Variants in PDE8B observed in about 807,000 individuals in gnomAD.
The protein encoded by PDE8B is phosphodiesterase 8B, also known as high affinity cAMP-specific and IBMX-insensitive 3',5'-cyclic phosphodiesterase 8B.
Under a neutral mutation model 101.3 loss-of-function variants are expected in PDE8B, and 26 were observed. The observed-to-expected ratio is 0.26, with a 90% CI of 0.19 to 0.36. The LOEUF is 0.36. PDE8B is among the 10% of genes least tolerant of loss of function. The pLI, the probability that PDE8B is intolerant of heterozygous loss-of-function variation, is 1.00. For synonymous variants in PDE8B, 424 were observed against 429.3 expected (o/e 0.99, Z 0.15); for missense variants, 810 against 1,163.1 (o/e 0.70, Z 4.42).
intron 1 of PDE8B, among the ~76,000 whole-genome samples, chr5:77,263,712 G>A (rs1197120854): frequency 6.6e-6 from 1 of 152,168 alleles, no homozygotes; most frequent in African/African-American, 2.4e-5. Context: ...GTGCTATGTG[G>A]AGTAACTATA....
chr5:77,290,533 T>C, intron 1 of PDE8B: 1 of 1,477,094 alleles, frequency 6.8e-7, no homozygotes, highest in Non-Finnish European at 9.5e-7. Context: ...GTAAGACAGA[T>C]TGACGATGCC....
At chr5:77,283,257 G>C (rs1432444969) in intron 1 of PDE8B, among the ~76,000 whole-genome samples, 2 of 151,956 alleles carry the variant, frequency 1.3e-5, no homozygotes, top group Admixed American at 1.3e-4. Flanking sequence ...CCACTCCCTG[G>C]AGCCATATGC....
At chr5:77,341,581 A>G (rs1419418398) in intron 6 of PDE8B, among the ~76,000 whole-genome samples, 1 of 152,248 alleles carries the variant, frequency 6.6e-6, no homozygotes, top group Non-Finnish European at 1.5e-5. Flanking sequence ...ATTAAAGCTT[A>G]ATTATCCAGC....
At chr5:77,188,573 A>G in the PDE8B span, among the ~76,000 whole-genome samples, 1 of 152,234 alleles carries the variant, frequency 6.6e-6, no homozygotes, top group East Asian at 1.9e-4. Flanking sequence ...TCTGTCGGAA[A>G]GACCACAGCT....
At position 77,351,070 on chromosome 5, in the gene PDE8B, G is replaced by A; in HGVS notation, c.1023G>A (p.Trp341Ter). Residue 341 changes from tryptophan (W) to a stop codon, truncating the protein, a stop_gained, in exon 9 of 22, where the codon TGG becomes TGA. Transcript: ENST00000264917. LOFTEE classifies it high-confidence loss of function. Reference protein sequence around the residue: ...INTCIKKGKEWQGVYYARRKS... With the variant: ...INTCIKKGKE ...AGCTCTCTTTGTCCATGTAGGAGTG[G>A]CAGGGGGTTTACTATGCCAGACGGA... 1 of 1,613,016 alleles carries A rather than the reference G, an allele frequency of 6.2e-7. No individual in the cohort carries two copies. Among genetic ancestry groups the A allele is most frequent in the South Asian group, 1.1e-5 (1 of 91,030 alleles).
At chr5:77,376,114 G>GCCTT (rs1786087111) in intron 10 of PDE8B, among the ~76,000 whole-genome samples, 1 of 151,968 alleles carries the variant, frequency 6.6e-6, no homozygotes, top group South Asian at 2.1e-4. Flanking sequence ...TTCTAGTGGA[G>GCCTT]CATTCCCAGG....
chr5:77,339,613 A>G lies in PDE8B; in HGVS notation c.797+2298A>G, dbSNP rs569971996. On this transcript the variant is annotated intron_variant, in intron 6 of 21. Coordinates refer to ENST00000264917, the MANE Select transcript of PDE8B (RefSeq NM_003719.5). ...CACCCCAAGGCAGGCAAGCAACTCT[A>G]TCATTTGTTGCAGACTGGGAAAATG... Among the ~76,000 whole-genome samples, 4 of 152,320 alleles carry G rather than the reference A, an allele frequency of 2.6e-5. No homozygotes were observed. In the East Asian group the frequency reaches 7.7e-4, roughly 29 times the overall value.
chr5:77,121,123 G>A, the PDE8B span, among the ~76,000 whole-genome samples: 4 of 152,190 alleles, frequency 2.6e-5, no homozygotes, highest in African/African-American at 4.8e-5. Flanking sequence ...AATTCCTGTG[G>A]GTCAGGAATT....
chr5:77,158,520 C>T, the PDE8B span, among the ~76,000 whole-genome samples: 2,488 of 152,252 alleles, frequency 0.016, 27 homozygotes, highest in Non-Finnish European at 0.023. Context: ...GTGCAAATTG[C>T]AGCAGGAAAT....
intron 12 of PDE8B, among the ~76,000 whole-genome samples, chr5:77,405,642 G>T (rs1793269828): frequency 6.6e-6 from 1 of 152,088 alleles, no homozygotes; most frequent in Admixed American, 6.6e-5. Context: ...TCAGCCAGGG[G>T]GTGGGCAGTG....
At chr5:77,192,634 C>T in the PDE8B span, among the ~76,000 whole-genome samples, 22 of 152,248 alleles carry the variant, frequency 1.4e-4, no homozygotes, top group African/African-American at 4.1e-4. Context: ...CTACTATGAA[C>T]GTCCATAGAT....
chr5:77,407,233 T>G (rs1009485763), intron 12 of PDE8B, 148 bp from the exon 13 acceptor site: 3 of 719,494 alleles, frequency 4.2e-6, no homozygotes, highest in Non-Finnish European at 7.6e-6. Flanking sequence ...CTACCAGCCT[T>G]GGCAGAAGAG....
chr5:77,415,946 G>C (rs534881439), intron 17 of PDE8B, among the ~76,000 whole-genome samples: 45 of 152,348 alleles, frequency 3.0e-4, no homozygotes, highest in African/African-American at 1.0e-3. Context: ...TGGTTAAAGA[G>C]GGAAAAAACT....
the PDE8B span, among the ~76,000 whole-genome samples, chr5:77,163,464 A>C: frequency 6.6e-6 from 1 of 152,260 alleles, no homozygotes; most frequent in South Asian, 2.1e-4. Context: ...GAAGACTAAA[A>C]AAAGGTGGTT....
chr5:77,146,611 T>A, the PDE8B span: 1 of 283,864 alleles, frequency 3.5e-6, no homozygotes, highest in Non-Finnish European at 6.9e-6. Context: ...AAGGTGTTAT[T>A]ATATGCATTC....
At chr5:77,291,368 G>A (rs1470799181) in intron 1 of PDE8B, 1 of 1,611,982 alleles carries the variant, frequency 6.2e-7, no homozygotes, top group Non-Finnish European at 8.5e-7. Context: ...GTAGCACAGT[G>A]GTCTATGGGG....
At chr5:77,338,155 A>G in intron 6 of PDE8B, among the ~76,000 whole-genome samples, 1 of 152,216 alleles carries the variant, frequency 6.6e-6, no homozygotes, top group Non-Finnish European at 1.5e-5. Context: ...GCTGACTGAG[A>G]AGTCATGCAT....
At chr5:77,390,518 C>T (rs1367583640) in intron 10 of PDE8B, among the ~76,000 whole-genome samples, 1 of 152,146 alleles carries the variant, frequency 6.6e-6, no homozygotes, top group African/African-American at 2.4e-5. Flanking sequence ...TGAGAATATT[C>T]TACATTTTAT....
At chr5:77,263,653 A>G (rs569716393) in intron 1 of PDE8B, among the ~76,000 whole-genome samples, 1 of 152,318 alleles carries the variant, frequency 6.6e-6, no homozygotes, top group Non-Finnish European at 1.5e-5. Context: ...TTATTGCTAA[A>G]GGTTTCCAAG....
Sources: allele counts gnomAD v4.1 joint callset (sites outside exome capture counted in the v4.1 genomes callset), GRCh38; gene constraint gnomAD v4.1.1; transcripts MANE v1.5; gene names NCBI Gene and HGNC (gene_info 2026-07-23, HGNC 2026-07-21).